Variants in NOL4 observed in about 807,000 individuals in gnomAD.
NOL4 encodes nucleolar protein 4.
A neutral mutation model predicts 75.9 loss-of-function variants in NOL4; 17 were observed. The observed-to-expected ratio is 0.22, with a 90% confidence interval of 0.15 to 0.34. NOL4 has a LOEUF of 0.34. NOL4 is among the 10% of genes least tolerant of loss of function. The pLI is 1.00. For synonymous variants in NOL4, 292 were observed against 289.9 expected, an observed-to-expected ratio of 1.01 and a Z score of -0.07; for missense variants, 614 against 793.5, an observed-to-expected ratio of 0.77 and a Z score of 2.72.
intron 5 of NOL4, among the ~76,000 whole-genome samples, chr18:34,031,964 TACA>T (rs1221434767): frequency 1.3e-5 from 2 of 152,164 alleles, no homozygotes; most frequent in Non-Finnish European, 2.9e-5. Flanking sequence ...TCTAAGCAGC[TACA>T]ACAAGCTGCC....
chr18:34,066,264 C>T (rs1424427261), intron 5 of NOL4, among the ~76,000 whole-genome samples: 6 of 151,934 alleles, frequency 3.9e-5, no homozygotes, highest in African/African-American at 9.7e-5. Context: ...TTCTTTATTA[C>T]AGATGATTCA....
intron 1 of NOL4, among the ~76,000 whole-genome samples, chr18:34,199,145 G>GTTTTTTTTT: frequency 7.6e-6 from 1 of 131,280 alleles, no homozygotes; most frequent in Non-Finnish European, 1.6e-5. Context: ...GGACAGAGAA[G>GTTTTTTTTT]TTTTTTTTTT....
rs966062342 is a variant in NOL4 at position 34,087,748 on chromosome 18, C to CT, written c.772+5716dup. On this transcript the variant is annotated intron_variant, in intron 5 of 10. Coordinates refer to ENST00000261592, the MANE Select transcript of NOL4 (RefSeq NM_003787.5). ...TTATATCTCTGAATGGTACATTTGC[C>CT]TTTTTTTTTGACTACCTAGCCTCTG... 2.7e-3 allele frequency among the ~76,000 whole-genome samples: 411 copies of CT among 150,190 alleles called. 1 individual carries two copies. Among genetic ancestry groups the CT allele is most frequent in the Non-Finnish European group, 3.5e-3 (233 of 67,362 alleles).
At chr18:34,106,048 C>T (rs2079262328) in intron 2 of NOL4, among the ~76,000 whole-genome samples, 1 of 151,972 alleles carries the variant, frequency 6.6e-6, no homozygotes, top group Admixed American at 6.6e-5. Flanking sequence ...CAGTTTTCCA[C>T]CATAGCACTA....
intron 2 of NOL4, among the ~76,000 whole-genome samples, chr18:34,124,903 C>T (rs2080313035): frequency 3.4e-5 from 1 of 29,138 alleles, no homozygotes; most frequent in South Asian, 1.1e-3. Flanking sequence ...GCAAAACTGT[C>T]TCAAAAAAAA....
intron 1 of NOL4, among the ~76,000 whole-genome samples, chr18:34,184,928 G>C (rs1229660052): frequency 6.6e-6 from 1 of 152,106 alleles, no homozygotes; most frequent in East Asian, 1.9e-4. Flanking sequence ...CCAGAAGTTG[G>C]AATTCAGAAG....
At chr18:34,173,310 A>C (rs1424884595) in intron 1 of NOL4, among the ~76,000 whole-genome samples, 2 of 152,062 alleles carry the variant, frequency 1.3e-5, no homozygotes, top group Non-Finnish European at 2.9e-5. Context: ...AGTTCTATAG[A>C]TCTAATGTAC....
intron 5 of NOL4, among the ~76,000 whole-genome samples, chr18:34,088,582 T>G (rs1348178240): frequency 1.3e-5 from 2 of 152,104 alleles, no homozygotes; most frequent in Non-Finnish European, 2.9e-5. Context: ...TAGCAAAACT[T>G]CCTTCATAAT....
intron 5 of NOL4, among the ~76,000 whole-genome samples, chr18:34,063,638 T>G (rs1424410609): frequency 6.6e-6 from 1 of 152,044 alleles, no homozygotes; most frequent in Non-Finnish European, 1.5e-5. Flanking sequence ...ATCTGTTAAG[T>G]GAACATAACC....
intron 5 of NOL4, among the ~76,000 whole-genome samples, chr18:34,026,682 C>G (rs1018751978): frequency 6.6e-6 from 1 of 151,926 alleles, no homozygotes; most frequent in Admixed American, 6.6e-5. Context: ...TTATTATAAA[C>G]GATATTTTGT....
chr18:34,181,990 G>A (rs1440658713), intron 1 of NOL4, among the ~76,000 whole-genome samples: 1 of 151,556 alleles, frequency 6.6e-6, no homozygotes, highest in East Asian at 1.9e-4. Context: ...ACCTTGAAAA[G>A]AGTCTGGCAG....
At chr18:33,897,542 T>G (rs979215100) in intron 9 of NOL4, among the ~76,000 whole-genome samples, 1 of 152,138 alleles carries the variant, frequency 6.6e-6, no homozygotes, top group African/African-American at 2.4e-5. Flanking sequence ...ATGTTCTCAC[T>G]TATAAGCAGG....
At chr18:34,222,878 G>T in intron 1 of NOL4, 112 bp downstream of exon 1, 3 of 1,404,562 alleles carry the variant, frequency 2.1e-6, no homozygotes, top group Non-Finnish European at 9.7e-7. Flanking sequence ...AAGGTAGGGG[G>T]CACACGAGCC....
intron 1 of NOL4, among the ~76,000 whole-genome samples, chr18:34,131,966 T>C (rs1257329660): frequency 6.6e-5 from 10 of 152,170 alleles, no homozygotes; most frequent in Non-Finnish European, 2.9e-5. Context: ...AATGAGTGGT[T>C]TTCAAAAAGA....
rs1209111736 is a variant in NOL4 at position 34,065,093 on chromosome 18, G to T, written c.772+28372C>A. 4.6e-5 allele frequency among the ~76,000 whole-genome samples: 7 copies of T among 151,970 alleles called. No individual in the cohort carries two copies. The East Asian group carries it at 9.7e-4, about 21-fold the overall frequency. ...CAGGCAGTCAACTTGAATAAAAAGG[G>T]TTAGATAATGATATCACTACGTCCT... On this transcript the variant is annotated intron_variant, in intron 5 of 10. Coordinates refer to ENST00000261592, the MANE Select transcript of NOL4 (RefSeq NM_003787.5).
intron 2 of NOL4, among the ~76,000 whole-genome samples, chr18:34,105,654 T>C (rs1218521292): frequency 1.3e-5 from 2 of 152,026 alleles, no homozygotes; most frequent in Non-Finnish European, 2.9e-5. Flanking sequence ...AAAAAATAAA[T>C]TCAAACAGAA....
intron 1 of NOL4, among the ~76,000 whole-genome samples, chr18:34,165,709 C>A (rs910180184): frequency 1.3e-5 from 2 of 152,018 alleles, no homozygotes; most frequent in Non-Finnish European, 2.9e-5. Context: ...AATCTAGAAT[C>A]AGATATCATA....
intron 9 of NOL4, among the ~76,000 whole-genome samples, chr18:33,941,254 G>A (rs2068459347): frequency 6.6e-6 from 1 of 151,942 alleles, no homozygotes; most frequent in African/African-American, 2.4e-5. Flanking sequence ...CTGATGACCA[G>A]CTTTGGGGAA....
intron 6 of NOL4, among the ~76,000 whole-genome samples, chr18:34,018,504 A>G (rs1399782870): frequency 1.3e-5 from 2 of 152,176 alleles, no homozygotes; most frequent in Non-Finnish European, 2.9e-5. Flanking sequence ...ATGTCAAAAA[A>G]CAAGTTCTAC....
Sources: allele counts gnomAD v4.1 joint callset (sites outside exome capture counted in the v4.1 genomes callset), GRCh38; gene constraint gnomAD v4.1.1; transcripts MANE v1.5; gene names NCBI Gene and HGNC (gene_info 2026-07-23, HGNC 2026-07-21).